GPD1L: variants seen among roughly 807,000 people sequenced by gnomAD.
GPD1L encodes glycerol-3-phosphate dehydrogenase 1-like protein.
A neutral mutation model predicts 32.9 loss-of-function variants in GPD1L; 17 were observed. That is an observed-to-expected ratio of 0.52 (90% CI 0.35 to 0.78). The LOEUF (loss-of-function observed/expected upper bound fraction) is 0.78, where lower values mean the gene tolerates loss of function less well. Among genes scored for constraint, GPD1L ranks in the 30% least tolerant of loss-of-function variants. The pLI is 0.01. For missense variants in GPD1L, 361 were observed against 447.8 expected, an observed-to-expected ratio of 0.81 and a Z score of 1.75; for synonymous variants, 187 against 165.9, an observed-to-expected ratio of 1.13 and a Z score of -0.98.
At chr3:32,154,341 C>A (rs573876101) in intron 5 of GPD1L, among the ~76,000 whole-genome samples, 34 of 152,170 alleles carry the variant, frequency 2.2e-4, no homozygotes, top group Non-Finnish European at 4.0e-4. Flanking sequence ...TGAGGGAGCA[C>A]CCAGGCACCC....
At chr3:32,121,599 ATTT>A (rs1457278725) in intron 1 of GPD1L, among the ~76,000 whole-genome samples, 1,845 of 129,384 alleles carry the variant, frequency 0.014, 263 homozygotes, top group African/African-American at 0.053. Flanking sequence ...CTATATATAT[ATTT>A]CTATATATAT....
intron 2 of GPD1L, 124 bp downstream of exon 2, chr3:32,128,377 G>A: frequency 2.4e-6 from 2 of 822,994 alleles, no homozygotes; most frequent in South Asian, 1.4e-5. Flanking sequence ...ACTACCAATT[G>A]GTTGGTTGGT....
In GPD1L at chr3:32,146,280, G is replaced by A. The variant is rs79282795; in HGVS notation, c.506-342G>A. Among the ~76,000 whole-genome samples, 3,574 of 151,830 alleles carry A rather than the reference G, an allele frequency of 0.024. 286 individuals carry two copies. The East Asian group carries it at 0.26, about 11-fold the overall frequency. On this transcript the variant is annotated intron_variant, in intron 4 of 7. Coordinates refer to ENST00000282541, the MANE Select transcript of GPD1L (RefSeq NM_015141.4). ...TTTTTGTATTTTTAGTAGAGATGGG[G>A]TTTCACCATGTTAGCCAGGATGGCT...
intron 1 of GPD1L, among the ~76,000 whole-genome samples, chr3:32,108,215 G>A (rs969141866): frequency 1.4e-4 from 21 of 151,912 alleles, no homozygotes; most frequent in Admixed American, 6.6e-4. Context: ...GCAAAACCCC[G>A]CCTCTACAAA....
chr3:32,168,331 G>A lies in GPD1L; in HGVS notation c.*2421G>A, dbSNP rs1198928175. ...TAATTCACATTTCTTATGAAGTATG[G>A]TAACAGGGAGGGAGACACCTAGATT... On this transcript the variant is annotated 3_prime_UTR_variant, in exon 8 of 8. Coordinates refer to ENST00000282541, the MANE Select transcript of GPD1L (RefSeq NM_015141.4). 1 of 152,574 alleles carries A rather than the reference G, an allele frequency of 6.6e-6. No individual in the cohort carries two copies. Among genetic ancestry groups the A allele is most frequent in the Non-Finnish European group, 1.5e-5 (1 of 68,032 alleles). 9.5% of individuals were successfully genotyped at this position (152,574 alleles called of 1,614,324 possible).
intron 7 of GPD1L, among the ~76,000 whole-genome samples, chr3:32,162,825 A>G (rs1327396945): frequency 3.3e-5 from 5 of 151,414 alleles, no homozygotes; most frequent in African/African-American, 9.7e-5. Flanking sequence ...CAATGGTGCA[A>G]TCTCAGCACT....
chr3:32,138,468 T>G, intron 2 of GPD1L, 119 bp from the exon 3 acceptor site: 1 of 942,332 alleles, frequency 1.1e-6, no homozygotes, highest in Non-Finnish European at 1.7e-6. Flanking sequence ...CTTCCTTGTC[T>G]ATCTGTGCAA....
intron 5 of GPD1L, among the ~76,000 whole-genome samples, chr3:32,154,076 A>C (rs1293938088): frequency 6.6e-6 from 1 of 152,108 alleles, no homozygotes; most frequent in Admixed American, 6.6e-5. Context: ...ACACGCTCTG[A>C]CTGGCTCAGT....
chr3:32,158,561 AAAAGT>A (rs1701026223), intron 5 of GPD1L: 3 of 498,154 alleles, frequency 6.0e-6, no homozygotes, highest in Admixed American at 3.3e-5. Flanking sequence ...AAACAAAACA[AAAAGT>A]AAAGTAGTTT....
At chr3:32,165,518 C>G (rs1417792046) in intron 7 of GPD1L, among the ~76,000 whole-genome samples, 1 of 152,124 alleles carries the variant, frequency 6.6e-6, no homozygotes, top group Non-Finnish European at 1.5e-5. Context: ...AGAGTTGGAG[C>G]CACAGCTCCT....
At chr3:32,137,570 A>T (rs1037509531) in intron 2 of GPD1L, among the ~76,000 whole-genome samples, 3 of 152,198 alleles carry the variant, frequency 2.0e-5, no homozygotes, top group African/African-American at 7.2e-5. Context: ...TGCAAGGAGC[A>T]CAGGGAAACA....
intron 1 of GPD1L, among the ~76,000 whole-genome samples, chr3:32,107,031 T>C (rs1384355189): frequency 6.6e-6 from 1 of 152,202 alleles, no homozygotes; most frequent in Non-Finnish European, 1.5e-5. Flanking sequence ...CCCCCGTTAC[T>C]GAGCGCACAG....
intron 2 of GPD1L, among the ~76,000 whole-genome samples, chr3:32,134,207 A>G (rs1399495844): frequency 1.3e-5 from 2 of 152,224 alleles, no homozygotes; most frequent in Admixed American, 6.5e-5. Context: ...GAAAGATGAG[A>G]TTCACATGAT....
At chr3:32,161,483 A>AT (rs918196957) in intron 7 of GPD1L, among the ~76,000 whole-genome samples, 1 of 152,038 alleles carries the variant, frequency 6.6e-6, no homozygotes, top group Non-Finnish European at 1.5e-5. Flanking sequence ...TTATCAAGAA[A>AT]TTTTTTTAAG....
intron 1 of GPD1L, among the ~76,000 whole-genome samples, chr3:32,121,775 A>G (rs1266538794): frequency 7.3e-6 from 1 of 137,878 alleles, no homozygotes; most frequent in Non-Finnish European, 1.5e-5. Context: ...TTCTATATAT[A>G]TATATATTTT....
chr3:32,108,082 G>C (rs1429766888), intron 1 of GPD1L, among the ~76,000 whole-genome samples: 5 of 152,270 alleles, frequency 3.3e-5, no homozygotes, highest in Middle Eastern at 6.8e-3. Flanking sequence ...AATGATATTT[G>C]ATTGAATAAT....
chr3:32,145,759 G>C (rs1700811056), intron 4 of GPD1L, among the ~76,000 whole-genome samples: 1 of 152,204 alleles, frequency 6.6e-6, no homozygotes, highest in African/African-American at 2.4e-5. Flanking sequence ...GTTTAAAAAG[G>C]AAGAGAACAG....
intron 1 of GPD1L, among the ~76,000 whole-genome samples, chr3:32,110,883 T>C (rs1700235159): frequency 6.6e-6 from 1 of 152,232 alleles, no homozygotes; most frequent in Non-Finnish European, 1.5e-5. Context: ...TTTGTTGTTG[T>C]TGAGACAGAG....
At chr3:32,122,613 G>A (rs931650300) in intron 1 of GPD1L, among the ~76,000 whole-genome samples, 3 of 152,164 alleles carry the variant, frequency 2.0e-5, no homozygotes, top group African/African-American at 7.2e-5. Context: ...GCCATCAGCA[G>A]ACCTGAGTCC....
Sources: gnomAD v4.1 joint callset for allele counts (sites outside exome capture counted in the v4.1 genomes callset) on GRCh38, gnomAD v4.1.1 for gene constraint, MANE v1.5 for transcripts, NCBI Gene and HGNC (gene_info 2026-07-23, HGNC 2026-07-21) for gene names.